The following SLC22A16 variants were observed in gnomAD, a reference collection of about 807,000 sequenced individuals.
SLC22A16 encodes solute carrier family 22 member 16.
Under a neutral mutation model 52.9 loss-of-function variants are expected in SLC22A16, and 53 were observed. That is an observed-to-expected ratio of 1.00 (90% confidence interval 0.80 to 1.26). SLC22A16 has a LOEUF of 1.26. Among genes scored for constraint, SLC22A16 ranks in the 50% most tolerant of loss-of-function variants. The probability of loss-of-function intolerance (pLI) is 0.00; values close to 1 mark genes in which losing one functional copy is unlikely to be tolerated. For synonymous variants in SLC22A16, 291 were observed against 268.8 expected (o/e 1.08, Z -0.81); for missense variants, 726 against 704.0 (o/e 1.03, Z -0.35).
At chr6:110,472,936 A>G (rs1482663185) in intron 1 of SLC22A16, among the ~76,000 whole-genome samples, 2 of 152,188 alleles carry the variant, frequency 1.3e-5, no homozygotes, top group Non-Finnish European at 2.9e-5. Context: ...ATTCCATATA[A>G]AAGCATAACT....
intron 6 of SLC22A16, 119 bp from the exon 7 acceptor site, chr6:110,431,389 C>T (rs1314822080): frequency 1.3e-5 from 10 of 763,480 alleles, no homozygotes; most frequent in East Asian, 2.6e-5. Context: ...GGTCAGGCAG[C>T]GCATTACAAC....
At chr6:110,428,304 C>T (rs1774356627) in intron 7 of SLC22A16, among the ~76,000 whole-genome samples, 1 of 151,900 alleles carries the variant, frequency 6.6e-6, no homozygotes, top group African/African-American at 2.4e-5. Context: ...AAAGGAAGCA[C>T]ATTCACAGAC....
rs558150443 is a variant in SLC22A16, at chr6:110,475,253, G to A, written c.53+1269C>T. On this transcript the variant is annotated intron_variant, in intron 1 of 7. Coordinates refer to ENST00000368919, the MANE Select transcript of SLC22A16 (RefSeq NM_033125.4). Reference sequence around the variant, plus strand: ...AGGAGTGCATCATGGTTGAGAGTGTGGGCTGTGGAGGTGATGGGCATCCAA... The same window carrying A: ...AGGAGTGCATCATGGTTGAGAGTGTAGGCTGTGGAGGTGATGGGCATCCAA... Among the ~76,000 whole-genome samples the A allele has an allele frequency of 6.2e-4, 94 of 152,282 alleles. 1 individual carries two copies. In the South Asian group the frequency reaches 0.019, roughly 30 times the overall value.
chr6:110,464,599 T>C (rs1775998042), intron 1 of SLC22A16, among the ~76,000 whole-genome samples: 1 of 151,564 alleles, frequency 6.6e-6, no homozygotes. Flanking sequence ...AAATAGAAAT[T>C]CTGAACAGAC....
intron 6 of SLC22A16, among the ~76,000 whole-genome samples, chr6:110,435,232 T>C (rs1440102493): frequency 2.0e-5 from 3 of 152,040 alleles, no homozygotes; most frequent in Non-Finnish European, 4.4e-5. Context: ...GTAGATAAGG[T>C]CTTTAAAGAG....
At chr6:110,431,338 C>A in intron 6 of SLC22A16, 68 bp from the exon 7 acceptor site, 1 of 1,316,728 alleles carries the variant, frequency 7.6e-7, no homozygotes. Context: ...GGACCTGCTT[C>A]CTGCAGCTCC....
rs111635311 is a variant in SLC22A16, at chr6:110,462,669, G to C, written c.54-5652C>G. Among the ~76,000 whole-genome samples the C allele has an allele frequency of 5.9e-3, 904 of 152,218 alleles. 11 individuals are homozygous for C. The highest frequency in any genetic ancestry group is 0.021 in the African/African-American group (863 of 41,548). On this transcript the variant is annotated intron_variant, in intron 1 of 7. Transcript: ENST00000368919. ...ATGTATGACTTATATGTAATCCTGA[G>C]AGAGAAGAAGAAAAAGTAAGCAATT...
chr6:110,474,682 C>T (rs1388052831), intron 1 of SLC22A16, among the ~76,000 whole-genome samples: 1 of 152,266 alleles, frequency 6.6e-6, no homozygotes, highest in African/African-American at 2.4e-5. Context: ...AGTGAGCTGT[C>T]ACCATGGGTG....
At chr6:110,440,806 T>TTATGAAAAAACTATGC (rs1774936043) in intron 4 of SLC22A16, among the ~76,000 whole-genome samples, 1 of 152,186 alleles carries the variant, frequency 6.6e-6, no homozygotes, top group African/African-American at 2.4e-5. Flanking sequence ...AAAGTGCATA[T>TTATGAAAAAACTATGC]TATGAAAAAA....
intron 7 of SLC22A16, among the ~76,000 whole-genome samples, chr6:110,426,887 T>C (rs1774277963): frequency 6.6e-6 from 1 of 151,218 alleles, no homozygotes; most frequent in Admixed American, 6.6e-5. Context: ...TAGGCAGAGG[T>C]TGCAGTGAGC....
chr6:110,440,880 G>A (rs1774938661), intron 4 of SLC22A16, among the ~76,000 whole-genome samples: 1 of 152,210 alleles, frequency 6.6e-6, no homozygotes. Context: ...CTTAGAACGT[G>A]TCTGAAGAGG....
intron 2 of SLC22A16, among the ~76,000 whole-genome samples, chr6:110,448,781 C>T (rs1027122768): frequency 6.6e-6 from 1 of 152,186 alleles, no homozygotes; most frequent in Non-Finnish European, 1.5e-5. Context: ...CTGCTCTGTC[C>T]ACTTACCAAC....
intron 1 of SLC22A16, chr6:110,474,810 A>C: frequency 2.3e-6 from 1 of 429,312 alleles, no homozygotes; most frequent in Non-Finnish European, 4.6e-6. Flanking sequence ...GTTACTGGAG[A>C]GGCATAAACT....
At chr6:110,454,996 G>A (rs1209212696) in intron 2 of SLC22A16, among the ~76,000 whole-genome samples, 1 of 105,480 alleles carries the variant, frequency 9.5e-6, no homozygotes, top group African/African-American at 3.7e-5. Flanking sequence ...TATATTATAT[G>A]TACATATAAT....
At chr6:110,445,571 C>G (rs1775138153) in intron 3 of SLC22A16, among the ~76,000 whole-genome samples, 1 of 152,130 alleles carries the variant, frequency 6.6e-6, no homozygotes, top group Non-Finnish European at 1.5e-5. Flanking sequence ...AATCCATTCC[C>G]CATGAACATC....
chr6:110,442,213 T>C, intron 4 of SLC22A16, 31 bp downstream of exon 4: 1 of 1,589,606 alleles, frequency 6.3e-7, no homozygotes, highest in Non-Finnish European at 8.6e-7. Flanking sequence ...CTCACTTCAC[T>C]GCCAAATTTA....
chr6:110,476,026 T>C, intron 1 of SLC22A16: 1 of 455,602 alleles, frequency 2.2e-6, no homozygotes, highest in South Asian at 1.6e-5. Context: ...TAGGTTTTAA[T>C]AAACGGCAAC....
intron 6 of SLC22A16, among the ~76,000 whole-genome samples, chr6:110,432,666 G>T (rs370756216): frequency 1.3e-5 from 2 of 152,162 alleles, no homozygotes; most frequent in Admixed American, 1.3e-4. Flanking sequence ...AAGCCACAAC[G>T]CAAGTTGGCA....
chr6:110,456,225 T>A (rs1582569110), intron 2 of SLC22A16: 2 of 291,644 alleles, frequency 6.9e-6, no homozygotes, highest in East Asian at 7.1e-5. Context: ...TTTGCAATAA[T>A]CCTTTGAAGT....
Sources: allele counts gnomAD v4.1 joint callset (sites outside exome capture counted in the v4.1 genomes callset), GRCh38; gene constraint gnomAD v4.1.1; transcripts MANE v1.5; gene names NCBI Gene and HGNC (gene_info 2026-07-23, HGNC 2026-07-21).